Variants in XKR9 observed in about 807,000 individuals in gnomAD.
XKR9 encodes XK-related protein 9.
A neutral mutation model predicts 32.0 loss-of-function variants in XKR9; 32 were observed. The ratio of observed to expected loss-of-function variants is 1.00; its 90% CI spans 0.76 to 1.34. XKR9 has a LOEUF of 1.34. Ranked by LOEUF, XKR9 falls within the 40% of genes most tolerant of loss-of-function variation. XKR9 has a pLI of 0.00. For synonymous variants in XKR9, 168 were observed against 143.4 expected, an observed-to-expected ratio of 1.17 and a Z score of -1.22; for missense variants, 546 against 429.7, an observed-to-expected ratio of 1.27 and a Z score of -2.39.
At chr8:70,934,945 G>A in the XKR9 span, among the ~76,000 whole-genome samples, 6 of 151,574 alleles carry the variant, frequency 4.0e-5, no homozygotes, top group Admixed American at 6.6e-5. Context: ...GGTTAAAAAT[G>A]TTTTGAAATG....
intron 2 of XKR9, among the ~76,000 whole-genome samples, chr8:70,676,859 A>G (rs1378991730): frequency 2.6e-5 from 4 of 152,258 alleles, no homozygotes; most frequent in Non-Finnish European, 5.9e-5. Context: ...CAAACAAACA[A>G]ACAAACAACC....
intron 2 of XKR9, among the ~76,000 whole-genome samples, chr8:70,764,104 G>A (rs4738101): frequency 0.086 from 13,099 of 152,224 alleles, 1,147 homozygotes; most frequent in Admixed American, 0.27. Context: ...GATAACCTAT[G>A]TCATGACTGC....
intron 2 of XKR9, among the ~76,000 whole-genome samples, chr8:70,744,570 A>G (rs536601410): frequency 8.5e-5 from 13 of 152,312 alleles, no homozygotes; most frequent in African/African-American, 2.4e-4. Context: ...TATCTGATGA[A>G]TAGGTTACCT....
At chr8:71,044,401 A>G in the XKR9 span, among the ~76,000 whole-genome samples, 1 of 152,332 alleles carries the variant, frequency 6.6e-6, no homozygotes, top group Non-Finnish European at 1.5e-5. Context: ...AAGTTGAGCA[A>G]TTGGAAGATG....
At chr8:70,797,000 G>C in the XKR9 span, among the ~76,000 whole-genome samples, 1 of 152,138 alleles carries the variant, frequency 6.6e-6, no homozygotes, top group South Asian at 2.1e-4. Context: ...ACAGGATCCT[G>C]TGACCCCAGT....
Position 70,735,711 on chromosome 8 carries a change from G to A in XKR9, c.*1287G>A, listed in dbSNP as rs1430696686. 4.7e-5 allele frequency: 7 copies of A among 148,074 alleles called. No homozygotes were observed. The East Asian group carries it at 1.0e-3, about 21-fold the overall frequency. The allele number at this position is 148,074 out of a possible 1,614,324, so 9.2% of individuals were successfully genotyped here. ...TCCCACCTATGAGTGAGAATATGCA[G>A]TGTTTGGTTTTTTGTTCTTGCGATA... is the stretch of plus-strand genomic sequence containing the variant. On this transcript the variant is annotated 3_prime_UTR_variant, in exon 5 of 5. Transcript: ENST00000408926.
the XKR9 span, among the ~76,000 whole-genome samples, chr8:70,867,769 A>G: frequency 6.6e-6 from 1 of 152,128 alleles, no homozygotes; most frequent in African/African-American, 2.4e-5. Flanking sequence ...CAAAGTCTTA[A>G]CTCATTTCAG....
downstream of XKR9, among the ~76,000 whole-genome samples, chr8:70,736,312 GTTGT>G (rs1444162131): frequency 1.6e-5 from 2 of 123,178 alleles, no homozygotes; most frequent in Admixed American, 7.6e-5. Flanking sequence ...TTTTGATGGG[GTTGT>G]TTGTTTTTTC....
rs181280819 is a variant in XKR9 at position 70,680,840 on chromosome 8, A to G, written c.-219A>G. On this transcript the variant is annotated 5_prime_UTR_variant, in exon 3 of 5. Coordinates refer to ENST00000408926, the MANE Select transcript of XKR9 (RefSeq NM_001011720.2). The stretch of plus-strand genomic sequence containing the variant: ...AGAAGATTGATTAAAGCCTTGTAAC[A>G]TTGGACCTAGATTAGAGATTTAGAA... 282 of 384,780 alleles carry G rather than the reference A, an allele frequency of 7.3e-4. 7 individuals carry two copies. In the Admixed American group the frequency reaches 0.01, roughly 14 times the overall value. The allele number at this position is 384,780 out of a possible 1,614,324, so 23.8% of individuals were successfully genotyped here.
the XKR9 span, among the ~76,000 whole-genome samples, chr8:70,872,697 G>T: frequency 3.3e-5 from 5 of 151,964 alleles, no homozygotes; most frequent in African/African-American, 4.8e-5. Flanking sequence ...TTTTGCTCTT[G>T]TTGCTCAGGC....
chr8:70,782,298 A>G (rs1417337311), intron 2 of XKR9, among the ~76,000 whole-genome samples: 4 of 152,136 alleles, frequency 2.6e-5, no homozygotes, highest in Admixed American at 6.6e-5. Context: ...TTATAATCGT[A>G]TACATTTATG....
At chr8:71,053,911 G>T in the XKR9 span, among the ~76,000 whole-genome samples, 1 of 152,164 alleles carries the variant, frequency 6.6e-6, no homozygotes, top group African/African-American at 2.4e-5. Flanking sequence ...AAACCCAGCT[G>T]CCAAGCTAAT....
chr8:70,952,790 C>T, the XKR9 span, among the ~76,000 whole-genome samples: 1 of 152,200 alleles, frequency 6.6e-6, no homozygotes, highest in Non-Finnish European at 1.5e-5. Flanking sequence ...AGTAACCCAG[C>T]CTGATAGAGC....
At chr8:70,813,635 A>C in the XKR9 span, among the ~76,000 whole-genome samples, 1 of 152,252 alleles carries the variant, frequency 6.6e-6, no homozygotes, top group African/African-American at 2.4e-5. Flanking sequence ...GGCAAAGGAT[A>C]TGAACAGACA....
At chr8:71,023,048 T>C in the XKR9 span, among the ~76,000 whole-genome samples, 203 of 152,294 alleles carry the variant, frequency 1.3e-3, 1 homozygote, top group South Asian at 8.7e-3. Context: ...TTATATCTCA[T>C]TGTGCTTTCT....
At chr8:70,810,008 AT>A in the XKR9 span, among the ~76,000 whole-genome samples, 1 of 152,222 alleles carries the variant, frequency 6.6e-6, no homozygotes, top group Non-Finnish European at 1.5e-5. Flanking sequence ...CAAAGTTGAA[AT>A]GAAGGAAAAA....
the XKR9 span, among the ~76,000 whole-genome samples, chr8:71,010,454 C>G: frequency 8.5e-5 from 13 of 152,194 alleles, no homozygotes; most frequent in African/African-American, 3.1e-4. Context: ...ATCAGCTTCT[C>G]TATGCAACAT....
At chr8:70,941,991 T>G in the XKR9 span, among the ~76,000 whole-genome samples, 1 of 152,152 alleles carries the variant, frequency 6.6e-6, no homozygotes. Context: ...AATGGTGTCC[T>G]CTCCCAAAGC....
chr8:70,814,992 C>T, the XKR9 span, among the ~76,000 whole-genome samples: 9 of 152,078 alleles, frequency 5.9e-5, no homozygotes, highest in East Asian at 7.7e-4. Context: ...ATACTATTTA[C>T]AATAGCTACA....
Sources: gnomAD v4.1 joint callset for allele counts (sites outside exome capture counted in the v4.1 genomes callset) on GRCh38, gnomAD v4.1.1 for gene constraint, MANE v1.5 for transcripts, NCBI Gene and HGNC (gene_info 2026-07-23, HGNC 2026-07-21) for gene names.